OXR1: variants seen among roughly 807,000 people sequenced by gnomAD.
OXR1 encodes oxidation resistance 1, also known as oxidation resistance protein 1.
A neutral mutation model predicts 104.6 loss-of-function variants in OXR1; 41 were observed. The ratio of observed to expected loss-of-function variants is 0.39; its 90% CI spans 0.31 to 0.51. OXR1 has a LOEUF of 0.51. OXR1 is among the 20% of genes least tolerant of loss of function. The pLI is 0.77. For synonymous variants in OXR1, 348 were observed against 348.4 expected, an observed-to-expected ratio of 1.00 and a Z score of 0.01; for missense variants, 955 against 1,031.9, an observed-to-expected ratio of 0.93 and a Z score of 1.02.
At chr8:106,638,064 C>T (rs1185594603) in intron 3 of OXR1, among the ~76,000 whole-genome samples, 1 of 152,032 alleles carries the variant, frequency 6.6e-6, no homozygotes, top group East Asian at 1.9e-4. Context: ...CGTGCCTGGC[C>T]CGATTTTTAT....
chr8:106,439,808 AT>A (rs1819714733), intron 2 of OXR1, among the ~76,000 whole-genome samples: 1 of 152,160 alleles, frequency 6.6e-6, no homozygotes, highest in Non-Finnish European at 1.5e-5. Flanking sequence ...AATTCATTGA[AT>A]GAATGAGAAA....
intron 3 of OXR1, among the ~76,000 whole-genome samples, chr8:106,524,688 A>G (rs953875398): frequency 6.6e-6 from 1 of 152,218 alleles, no homozygotes; most frequent in African/African-American, 2.4e-5. Context: ...ATGCGTTGGG[A>G]AAGAGCGTGC....
At chr8:106,468,097 G>A (rs1241881782) in intron 2 of OXR1, among the ~76,000 whole-genome samples, 1 of 151,738 alleles carries the variant, frequency 6.6e-6, no homozygotes, top group Non-Finnish European at 1.5e-5. Flanking sequence ...GTAGCATTGT[G>A]TATTTATTCA....
intron 1 of OXR1, among the ~76,000 whole-genome samples, chr8:106,309,067 C>T (rs1813589638): frequency 6.6e-6 from 1 of 151,880 alleles, no homozygotes; most frequent in Non-Finnish European, 1.5e-5. Flanking sequence ...CAGCCTGGCA[C>T]TCCTGTGTTC....
At chr8:106,445,089 A>G (rs1819956606) in intron 2 of OXR1, among the ~76,000 whole-genome samples, 1 of 152,136 alleles carries the variant, frequency 6.6e-6, no homozygotes, top group African/African-American at 2.4e-5. Flanking sequence ...ATTTACAGGG[A>G]ATTAAATGGA....
At chr8:106,720,545 A>G (rs1832741685) in intron 11 of OXR1, 1 of 158,554 alleles carries the variant, frequency 6.3e-6, no homozygotes, top group Non-Finnish European at 1.4e-5. Flanking sequence ...CATCAAAAAC[A>G]TAAATTTGGT....
chr8:106,688,892 C>T (rs1829012216), intron 6 of OXR1, among the ~76,000 whole-genome samples: 1 of 152,036 alleles, frequency 6.6e-6, no homozygotes, highest in South Asian at 2.1e-4. Flanking sequence ...TACTCTATAA[C>T]TGAGACATAT....
Position 106,447,774 on chromosome 8 carries a change from C to T in OXR1, c.24-71169C>T, listed in dbSNP as rs1181748288. 1.2e-5 allele frequency: 8 copies of T among 648,320 alleles called. 1 individual carries two copies. In the South Asian group the frequency reaches 3.1e-4, roughly 25 times the overall value. 40.2% of individuals were successfully genotyped at this position (648,320 alleles called of 1,614,324 possible). ...TCTGAAGAGTCATCGTATTTAATAA[C>T]CTCCTTCGTTGTACACACCGAACGG... On this transcript the variant is annotated intron_variant, in intron 2 of 16. Transcript: ENST00000517566.
chr8:106,654,512 T>A (rs1378118471), intron 3 of OXR1, among the ~76,000 whole-genome samples: 1 of 151,970 alleles, frequency 6.6e-6, no homozygotes, highest in Non-Finnish European at 1.5e-5. Flanking sequence ...CTTCCTCACA[T>A]CAAACCTGAA....
chr8:106,412,430 A>G (rs1378326656), intron 2 of OXR1, among the ~76,000 whole-genome samples: 1 of 152,138 alleles, frequency 6.6e-6, no homozygotes, highest in Admixed American at 6.6e-5. Context: ...CAATTTCTGG[A>G]CTTCTTTAAA....
At chr8:106,425,495 G>A (rs1221674010) in intron 2 of OXR1, among the ~76,000 whole-genome samples, 2 of 152,094 alleles carry the variant, frequency 1.3e-5, no homozygotes, top group Non-Finnish European at 2.9e-5. Flanking sequence ...AAGTGAAGAC[G>A]ATAAAAATAA....
chr8:106,417,905 G>A (rs539735881), intron 2 of OXR1, among the ~76,000 whole-genome samples: 1 of 152,302 alleles, frequency 6.6e-6, no homozygotes, highest in South Asian at 2.1e-4. Flanking sequence ...GGGACTAGGA[G>A]CAGCATTGGT....
At chr8:106,393,463 A>C (rs1817659921) in intron 2 of OXR1, among the ~76,000 whole-genome samples, 1 of 152,200 alleles carries the variant, frequency 6.6e-6, no homozygotes, top group South Asian at 2.1e-4. Flanking sequence ...TAGAAATCAC[A>C]TGTGATCTAT....
chr8:106,576,101 CA>C (rs1251506822), intron 3 of OXR1, among the ~76,000 whole-genome samples: 1 of 151,446 alleles, frequency 6.6e-6, no homozygotes, highest in African/African-American at 2.4e-5. Context: ...CTCATCTATT[CA>C]AAGATTATTA....
At position 106,405,237 on chromosome 8, in the gene OXR1, G is replaced by GTATA. The variant is rs1411612390; in HGVS notation, c.23+45602_23+45603insATAT. ...TGTGTGTGTGTGTGTGTGTGTGTGT[G>GTATA]TGTATAGGCTCATGTGATTATGGAG... is the stretch of plus-strand genomic sequence containing the variant. On this transcript the variant is annotated intron_variant, in intron 2 of 16. Transcript: ENST00000517566. 2.9e-3 allele frequency among the ~76,000 whole-genome samples: 351 copies of GTATA among 119,394 alleles called. 12 individuals carry two copies. Among genetic ancestry groups the GTATA allele is most frequent in the African/African-American group, 0.018 (328 of 18,374 alleles). 78.3% of individuals were successfully genotyped at this position (119,394 alleles called of 152,430 possible). A position where few individuals can be genotyped will look rare whatever the true frequency, so the allele number is the denominator to read the frequency against.
intron 1 of OXR1, among the ~76,000 whole-genome samples, chr8:106,309,687 ATATTT>A (rs1159130881): frequency 6.6e-6 from 1 of 151,562 alleles, no homozygotes; most frequent in African/African-American, 2.4e-5. Flanking sequence ...AAATTTTCTA[ATATTT>A]TATTAAATAT....
chr8:106,350,729 A>G (rs983462935), intron 1 of OXR1, among the ~76,000 whole-genome samples: 5 of 152,230 alleles, frequency 3.3e-5, no homozygotes, highest in African/African-American at 1.2e-4. Flanking sequence ...AAGCTACTTA[A>G]GCATTTATTT....
intron 2 of OXR1, among the ~76,000 whole-genome samples, chr8:106,403,080 G>A (rs778593527): frequency 1.6e-4 from 24 of 152,152 alleles, no homozygotes; most frequent in South Asian, 2.1e-4. Flanking sequence ...TCGGCCTCCC[G>A]AAGGGGTCCT....
At chr8:106,392,003 C>G (rs1015391933) in intron 2 of OXR1, among the ~76,000 whole-genome samples, 2 of 152,102 alleles carry the variant, frequency 1.3e-5, no homozygotes, top group African/African-American at 4.8e-5. Flanking sequence ...ATTCCTTGCT[C>G]AAAGCATGAC....
Sources: gnomAD v4.1 joint callset for allele counts (sites outside exome capture counted in the v4.1 genomes callset) on GRCh38, gnomAD v4.1.1 for gene constraint, MANE v1.5 for transcripts, NCBI Gene and HGNC (gene_info 2026-07-23, HGNC 2026-07-21) for gene names.